The following UNC13A variants were observed in gnomAD, a reference collection of about 807,000 sequenced individuals.
The protein encoded by UNC13A is unc-13 homolog A.
Under a neutral mutation model 219.7 loss-of-function variants are expected in UNC13A, and 61 were observed. That is an observed-to-expected ratio of 0.28 (90% confidence interval 0.23 to 0.34). The LOEUF is 0.34. Ranked by LOEUF, UNC13A falls within the 10% of genes least tolerant of loss-of-function variation. The pLI, the probability that UNC13A is intolerant of heterozygous loss-of-function variation, is 1.00. For missense variants in UNC13A, 1,476 were observed against 2,270.3 expected, an observed-to-expected ratio of 0.65 and a Z score of 7.11; for synonymous variants, 920 against 884.6, an observed-to-expected ratio of 1.04 and a Z score of -0.71.
At chr19:17,633,268 C>G (rs1283669176) in intron 26 of UNC13A, 75 bp from the exon 27 acceptor site, 1 of 1,390,060 alleles carries the variant, frequency 7.2e-7, no homozygotes, top group Non-Finnish European at 1.0e-6. Context: ...CCTTCCCTGC[C>G]CCACAGAGGA....
intron 38 of UNC13A, 101 bp downstream of exon 38, chr19:17,620,592 C>A: frequency 9.9e-7 from 1 of 1,013,370 alleles, no homozygotes; most frequent in Non-Finnish European, 1.4e-6. Flanking sequence ...GTTCACAGTA[C>A]GCCCTCGGAC....
intron 43 of UNC13A, among the ~76,000 whole-genome samples, chr19:17,608,360 A>C (rs1404585673): frequency 5.7e-5 from 6 of 105,730 alleles, no homozygotes; most frequent in Non-Finnish European, 1.8e-5. Flanking sequence ...ATATAATATA[A>C]ATATATATTA....
rs116380172 is a variant in UNC13A, at chr19:17,675,306, C to A, written c.53-550G>T. Among the ~76,000 whole-genome samples the A allele has an allele frequency of 8.7e-3, 1,320 of 151,796 alleles. 6 individuals are homozygous for A. Among genetic ancestry groups the A allele is most frequent in the African/African-American group, 0.019 (804 of 41,376 alleles). ...ACATGATTGCACCACGGCACTCCAG[C>A]CTCAAAAAATAAAAATTTTAAATAA... On this transcript the variant is annotated intron_variant, in intron 2 of 43. Coordinates refer to ENST00000519716, the MANE Select transcript of UNC13A (RefSeq NM_001080421.3).
chr19:17,633,853 C>A (rs1289832076), intron 26 of UNC13A, among the ~76,000 whole-genome samples: 3 of 151,906 alleles, frequency 2.0e-5, no homozygotes, highest in Non-Finnish European at 1.5e-5. Context: ...AACTATCCAT[C>A]CATCCACCTA....
chr19:17,643,000 C>G lies in UNC13A; in HGVS notation c.2357-40G>C, dbSNP rs1416481494. On this transcript the variant is annotated intron_variant, in intron 19 of 43. Transcript: ENST00000519716. ...AAGAAGACAGTGTCAGAACTTCCCA[C>G]TATAGCAGTGGGCAATTTTTTTTTT... 5 of 1,530,750 alleles carry G rather than the reference C, an allele frequency of 3.3e-6. No homozygotes were observed. The South Asian group carries it at 6.2e-5, about 19-fold the overall frequency. The allele number at this position is 1,530,750 out of a possible 1,614,324, so 94.8% of individuals were successfully genotyped here.
At chr19:17,612,891 C>T (rs1467454741) in intron 41 of UNC13A, among the ~76,000 whole-genome samples, 1 of 151,594 alleles carries the variant, frequency 6.6e-6, no homozygotes, top group African/African-American at 2.4e-5. Context: ...CAGATCATGT[C>T]CCTCCTCTGC....
chr19:17,688,108 C>A (rs2080149679), intron 1 of UNC13A, 70 bp downstream of exon 1: 11 of 1,501,162 alleles, frequency 7.3e-6, no homozygotes, highest in Non-Finnish European at 9.8e-6. Context: ...CCCTGGGAGC[C>A]GCATCCACGC....
At chr19:17,663,091 T>C (rs2079579923) in intron 8 of UNC13A, among the ~76,000 whole-genome samples, 1 of 151,884 alleles carries the variant, frequency 6.6e-6, no homozygotes, top group African/African-American at 2.4e-5. Context: ...GGCCTGCCGT[T>C]CTGTTAGAGA....
chr19:17,604,699 A>G lies in UNC13A; in HGVS notation c.*1355T>C, dbSNP rs2076502324. On this transcript the variant is annotated 3_prime_UTR_variant, in exon 44 of 44. Transcript: ENST00000519716. Reference sequence around the variant, plus strand: ...ACGCTGAACTTTCCCCTAAGGTCCTATGTGCACCAGGTAACTCCAGCCAGG... The same window carrying G: ...ACGCTGAACTTTCCCCTAAGGTCCTGTGTGCACCAGGTAACTCCAGCCAGG... 6.6e-6 allele frequency: 1 copy of G among 152,274 alleles called. No individual in the cohort carries two copies. Among genetic ancestry groups the G allele is most frequent in the Admixed American group, 6.5e-5 (1 of 15,284 alleles). The allele number at this position is 152,274 out of a possible 1,614,324, so 9.4% of individuals were successfully genotyped here. A position where few individuals can be genotyped will look rare whatever the true frequency, so the allele number is the denominator to read the frequency against.
intron 21 of UNC13A, among the ~76,000 whole-genome samples, 189 bp from the exon 22 acceptor site, chr19:17,640,850 C>T: frequency 6.6e-6 from 1 of 150,994 alleles, no homozygotes; most frequent in Middle Eastern, 3.2e-3. Flanking sequence ...ATTTGAGTTG[C>T]TCTAATTCTG....
Position 17,644,583 on chromosome 19 carries a change from G to T in UNC13A, c.2356+1091C>A, listed in dbSNP as rs577131030. On this transcript the variant is annotated intron_variant, in intron 19 of 43. Coordinates refer to ENST00000519716, the MANE Select transcript of UNC13A (RefSeq NM_001080421.3). Reference sequence around the variant, plus strand: ...TTGTTGCCCAGGCTGGAGTGCAGGGGCTTGATCTCGCCATGTTGGACAATC... The same window carrying T: ...TTGTTGCCCAGGCTGGAGTGCAGGGTCTTGATCTCGCCATGTTGGACAATC... 5.0e-4 allele frequency among the ~76,000 whole-genome samples: 72 copies of T among 145,172 alleles called. 3 individuals carry two copies. Among genetic ancestry groups the T allele is most frequent in the Non-Finnish European group, 1.0e-4 (7 of 66,984 alleles).
chr19:17,676,951 T>C (rs1808311034), intron 1 of UNC13A, among the ~76,000 whole-genome samples: 1 of 151,992 alleles, frequency 6.6e-6, no homozygotes. Flanking sequence ...GAGGCAGAGA[T>C]TGCAGTGAGC....
At chr19:17,651,607 C>T (rs1036092419) in intron 12 of UNC13A, among the ~76,000 whole-genome samples, 5 of 152,192 alleles carry the variant, frequency 3.3e-5, no homozygotes, top group Non-Finnish European at 7.3e-5. Context: ...ATTCAACCTA[C>T]AAAGCTTTCT....
intron 41 of UNC13A, among the ~76,000 whole-genome samples, chr19:17,613,205 C>CT (rs1469207353): frequency 6.6e-6 from 1 of 151,826 alleles, no homozygotes; most frequent in East Asian, 1.9e-4. Context: ...GCACTCCAGC[C>CT]TGGGTGACAG....
At chr19:17,631,536 G>A (rs1284877582) in intron 28 of UNC13A, among the ~76,000 whole-genome samples, 1 of 151,728 alleles carries the variant, frequency 6.6e-6, no homozygotes, top group Admixed American at 6.6e-5. Flanking sequence ...CAGAGCTTTC[G>A]TTTCTTGTAC....
chr19:17,641,531 ACGT>A lies in UNC13A; in HGVS notation c.2495_2497del (p.Asp832del). 6.2e-7 allele frequency: 1 copy of A among 1,613,956 alleles called. No individual in the cohort carries two copies. Among genetic ancestry groups the A allele is most frequent in the Non-Finnish European group, 8.5e-7 (1 of 1,179,898 alleles). ...GATCTTCACGACCCCATTGTTCTGC[ACGT>A]CGGTCACGAAGTGGAACAGGTTCTG... On this transcript the variant is annotated inframe_deletion, in exon 21 of 44. Coordinates refer to ENST00000519716, the MANE Select transcript of UNC13A (RefSeq NM_001080421.3).
intron 43 of UNC13A, among the ~76,000 whole-genome samples, chr19:17,608,195 CA>C (rs2076555130): frequency 6.8e-6 from 1 of 146,096 alleles, no homozygotes. Context: ...TACAGGCGCC[CA>C]CCACAACACA....
intron 36 of UNC13A, chr19:17,623,222 C>T: frequency 2.7e-6 from 1 of 368,978 alleles, no homozygotes; most frequent in Non-Finnish European, 4.9e-6. Flanking sequence ...GACATCTGGG[C>T]ACGGGAGCAA....
In UNC13A at chr19:17,648,508, T is replaced by TGCCTCGCGATGCCCC; in HGVS notation, c.1724_1738dup (p.Arg579_Gln580insArgGlyIleAlaArg). 6.2e-7 allele frequency: 1 copy of TGCCTCGCGATGCCCC among 1,613,554 alleles called. No homozygotes were observed. Among genetic ancestry groups the TGCCTCGCGATGCCCC allele is most frequent in the Non-Finnish European group, 8.5e-7 (1 of 1,179,994 alleles). On this transcript the variant is annotated inframe_insertion, in exon 16 of 44. Transcript: ENST00000519716. The stretch of plus-strand genomic sequence containing the variant: ...ACCGCACTCGGTGCAGCGCATGCCC[T>TGCCTCGCGATGCCCC]GCCTCGCGATGCCCCACAGCAGCCC...
Sources: allele counts gnomAD v4.1 joint callset (sites outside exome capture counted in the v4.1 genomes callset), GRCh38; gene constraint gnomAD v4.1.1; transcripts MANE v1.5; gene names NCBI Gene and HGNC (gene_info 2026-07-23, HGNC 2026-07-21).